The following NCOR1 variants were observed in gnomAD, a reference collection of about 807,000 sequenced individuals.
The protein encoded by NCOR1 is nuclear receptor corepressor 1, also known as protein phosphatase 1, regulatory subunit 109.
Under a neutral mutation model 288.1 loss-of-function variants are expected in NCOR1, and 63 were observed. The ratio of observed to expected loss-of-function variants is 0.22; its 90% CI spans 0.18 to 0.27. NCOR1 has a LOEUF of 0.27. NCOR1 is among the 10% of genes least tolerant of loss of function. The pLI is 1.00. For synonymous variants in NCOR1, 1,007 were observed against 1,065.9 expected, an observed-to-expected ratio of 0.94 and a Z score of 1.08; for missense variants, 2,397 against 3,019.2, an observed-to-expected ratio of 0.79 and a Z score of 4.83.
intron 1 of NCOR1, among the ~76,000 whole-genome samples, chr17:16,208,051 T>C (rs1323007579): frequency 7.3e-5 from 10 of 137,446 alleles, no homozygotes; most frequent in Non-Finnish European, 9.5e-5. Context: ...TTTTTTTTTT[T>C]TTTTTTTTGA....
chr17:16,064,281 A>T (rs2060873921), intron 34 of NCOR1, 94 bp from the exon 35 acceptor site: 3 of 1,467,858 alleles, frequency 2.0e-6, no homozygotes, highest in Non-Finnish European at 2.8e-6. Flanking sequence ...AAAATTTTTC[A>T]AAAAGCTTCA....
intron 5 of NCOR1, among the ~76,000 whole-genome samples, chr17:16,164,656 C>G (rs1443018900): frequency 2.6e-5 from 4 of 151,940 alleles, no homozygotes; most frequent in Non-Finnish European, 5.9e-5. Context: ...AATCTTGGGC[C>G]AAGCACTGCC....
At chr17:16,134,545 G>A (rs751470669) in intron 14 of NCOR1, among the ~76,000 whole-genome samples, 11 of 152,216 alleles carry the variant, frequency 7.2e-5, no homozygotes, top group Non-Finnish European at 1.3e-4. Context: ...ATGTACAGAA[G>A]AGAACACCAA....
intron 1 of NCOR1, among the ~76,000 whole-genome samples, chr17:16,202,479 AAAG>A (rs1255399260): frequency 3.9e-5 from 6 of 152,156 alleles, no homozygotes; most frequent in African/African-American, 9.7e-5. Context: ...GATTAACACA[AAAG>A]AAGAACAAAG....
chr17:16,085,830 C>A (rs577204429), intron 23 of NCOR1, among the ~76,000 whole-genome samples: 2 of 152,158 alleles, frequency 1.3e-5, no homozygotes, highest in Admixed American at 1.3e-4. Flanking sequence ...CTGTGAAGAC[C>A]AGACCATATC....
chr17:16,034,698 G>T, intron 45 of NCOR1, 67 bp downstream of exon 45: 1 of 1,375,870 alleles, frequency 7.3e-7, no homozygotes, highest in Non-Finnish European at 1.0e-6. Context: ...GAATTTTGAA[G>T]AACTAATAAC....
At chr17:16,159,337 C>T (rs1171875391) in intron 5 of NCOR1, among the ~76,000 whole-genome samples, 2 of 145,428 alleles carry the variant, frequency 1.4e-5, no homozygotes, top group Non-Finnish European at 3.0e-5. Flanking sequence ...CACTTGAACC[C>T]GGGAGGTGGA....
intron 10 of NCOR1, among the ~76,000 whole-genome samples, chr17:16,145,714 T>G (rs1207398666): frequency 1.3e-5 from 2 of 151,212 alleles, no homozygotes; most frequent in African/African-American, 4.9e-5. Flanking sequence ...GTCCGGGAGG[T>G]GGGGGGCAGC....
chr17:16,075,471 C>G (rs1354462054), intron 27 of NCOR1, 63 bp downstream of exon 27: 2 of 1,555,108 alleles, frequency 1.3e-6, no homozygotes, highest in Non-Finnish European at 1.8e-6. Flanking sequence ...TGCGGGAAAA[C>G]CCAAGCCTAT....
chr17:16,112,833 A>C (rs1162558869), intron 18 of NCOR1, among the ~76,000 whole-genome samples: 1 of 152,148 alleles, frequency 6.6e-6, no homozygotes, highest in Non-Finnish European at 1.5e-5. Flanking sequence ...CCAGATAGAC[A>C]CTTACTATAT....
rs541430313 is a variant in NCOR1 at position 16,120,289 on chromosome 17, G to T, written c.1852+763C>A. 2.0e-4 allele frequency among the ~76,000 whole-genome samples: 31 copies of T among 152,170 alleles called. 1 individual carries two copies. Among genetic ancestry groups the T allele is most frequent in the Admixed American group, 2.0e-3 (30 of 15,278 alleles). ...CAATTGCTATCAGTTAACTTCCAAA[G>T]ACACAAATCTAATCACAGCATTCCT... On this transcript the variant is annotated intron_variant, in intron 16 of 45. Coordinates refer to ENST00000268712, the MANE Select transcript of NCOR1 (RefSeq NM_006311.4).
chr17:16,139,139 C>T lies in NCOR1; in HGVS notation c.1221G>A (p.Met407Ile). The change falls in exon 12 of 46, where the codon ATG (methionine) becomes ATA (isoleucine). Residue 407 changes from methionine to isoleucine, a missense_variant. Coordinates refer to ENST00000268712, the MANE Select transcript of NCOR1 (RefSeq NM_006311.4). ...TGACTCGTCTTTGTTCTGCATCAAA[C>T]ATCATAGGTGGAATCACAGAGAGCT... The part of the protein sequence containing the change: ...MRQLSVIPPM[M>I]FDAEQRRVKF... 6.2e-7 allele frequency: 1 copy of T among 1,613,688 alleles called. No individual in the cohort carries two copies. Among genetic ancestry groups the T allele is most frequent in the African/African-American group, 1.3e-5 (1 of 75,012 alleles).
chr17:16,076,467 C>G (rs1321959768), intron 26 of NCOR1, among the ~76,000 whole-genome samples: 1 of 152,178 alleles, frequency 6.6e-6, no homozygotes, highest in Admixed American at 6.5e-5. Context: ...CAATTGAGAG[C>G]AATCATTGAT....
At chr17:16,200,187 T>C (rs565045056) in intron 1 of NCOR1, among the ~76,000 whole-genome samples, 1 of 152,108 alleles carries the variant, frequency 6.6e-6, no homozygotes, top group South Asian at 2.1e-4. Flanking sequence ...TAAGCTATCT[T>C]GGAAAAAAAG....
chr17:16,211,298 C>G (rs938203236), intron 1 of NCOR1, among the ~76,000 whole-genome samples: 7 of 151,472 alleles, frequency 4.6e-5, no homozygotes, highest in African/African-American at 1.7e-4. Context: ...GCTCTGTCAC[C>G]CAGTCTGAAG....
At chr17:16,066,280 A>C (rs1157765144) in intron 32 of NCOR1, among the ~76,000 whole-genome samples, 1 of 152,242 alleles carries the variant, frequency 6.6e-6, no homozygotes, top group African/African-American at 2.4e-5. Flanking sequence ...TACGGAAAAA[A>C]AGAATAAATG....
At chr17:16,187,661 T>C (rs1231050228) in intron 2 of NCOR1, among the ~76,000 whole-genome samples, 4 of 151,992 alleles carry the variant, frequency 2.6e-5, no homozygotes, top group African/African-American at 4.8e-5. Flanking sequence ...CCCAACACTT[T>C]GGGGAGGCCA....
intron 14 of NCOR1, among the ~76,000 whole-genome samples, chr17:16,131,027 C>T (rs1349548841): frequency 1.0e-4 from 15 of 144,924 alleles, no homozygotes; most frequent in Non-Finnish European, 1.8e-4. Flanking sequence ...CTCCTTCTGT[C>T]GCCCAGGCTG....
At chr17:16,109,658 A>G (rs1045849510) in intron 18 of NCOR1, among the ~76,000 whole-genome samples, 1 of 152,198 alleles carries the variant, frequency 6.6e-6, no homozygotes, top group African/African-American at 2.4e-5. Context: ...AACTTCCTTC[A>G]CTAGCATTAA....
Sources: gnomAD v4.1 joint callset for allele counts (sites outside exome capture counted in the v4.1 genomes callset) on GRCh38, gnomAD v4.1.1 for gene constraint, MANE v1.5 for transcripts, NCBI Gene and HGNC (gene_info 2026-07-23, HGNC 2026-07-21) for gene names.